AGMO: variants seen among roughly 807,000 people sequenced by gnomAD.
AGMO encodes the protein glyceryl-ether monooxygenase.
In AGMO, 75 loss-of-function variants were observed where a neutral mutation model predicts 60.2. That is an observed-to-expected ratio of 1.25 (90% CI 1.03 to 1.51). AGMO has a LOEUF of 1.51. Ranked by LOEUF, AGMO falls within the 40% of genes most tolerant of loss-of-function variation. The pLI, the probability that AGMO is intolerant of heterozygous loss-of-function variation, is 0.00. For synonymous variants in AGMO, 261 were observed against 177.1 expected (o/e 1.47, Z -3.76); for missense variants, 763 against 525.5 (o/e 1.45, Z -4.42).
chr7:15,278,592 G>A (rs1222178992), intron 12 of AGMO, among the ~76,000 whole-genome samples: 1 of 152,126 alleles, frequency 6.6e-6, no homozygotes, highest in African/African-American at 2.4e-5. Flanking sequence ...GCGTTTCACT[G>A]GAAAAGGCAA....
intron 2 of AGMO, among the ~76,000 whole-genome samples, chr7:15,551,027 A>C (rs1399864074): frequency 6.7e-6 from 1 of 148,768 alleles, no homozygotes; most frequent in Non-Finnish European, 1.5e-5. Context: ...GCAAATCAAT[A>C]AATGTAATCC....
At chr7:15,467,835 G>A (rs1440074509) in intron 3 of AGMO, among the ~76,000 whole-genome samples, 1 of 152,030 alleles carries the variant, frequency 6.6e-6, no homozygotes, top group African/African-American at 2.4e-5. Context: ...AAACCCTTTA[G>A]AAGAGTGACT....
intron 3 of AGMO, among the ~76,000 whole-genome samples, chr7:15,507,170 CA>C (rs1479622100): frequency 6.6e-6 from 1 of 151,854 alleles, no homozygotes; most frequent in East Asian, 1.9e-4. Context: ...AAGTCAAGGA[CA>C]AAGTGCTATC....
At chr7:15,470,153 A>C (rs2128512144) in intron 3 of AGMO, among the ~76,000 whole-genome samples, 1 of 152,194 alleles carries the variant, frequency 6.6e-6, no homozygotes, top group Non-Finnish European at 1.5e-5. Context: ...ATATTCAAGA[A>C]AGATAGCATA....
intron 12 of AGMO, among the ~76,000 whole-genome samples, chr7:15,273,388 C>A (rs1178960562): frequency 6.6e-6 from 1 of 152,086 alleles, no homozygotes; most frequent in East Asian, 1.9e-4. Flanking sequence ...ATAGAGAATC[C>A]TTTCCTCATT....
intron 3 of AGMO, among the ~76,000 whole-genome samples, chr7:15,465,806 C>T (rs114767438): frequency 1.3e-5 from 2 of 151,852 alleles, no homozygotes; most frequent in South Asian, 2.1e-4. Context: ...TACTTGATAA[C>T]CTGTTCCTAC....
chr7:15,407,001 G>A (rs963826235), intron 5 of AGMO, among the ~76,000 whole-genome samples: 24 of 136,760 alleles, frequency 1.8e-4, no homozygotes, highest in African/African-American at 5.7e-4. Context: ...TATATATATG[G>A]AATATACATA....
chr7:15,393,500 A>AT (rs1376841403), intron 6 of AGMO, among the ~76,000 whole-genome samples: 2 of 152,130 alleles, frequency 1.3e-5, no homozygotes, highest in Non-Finnish European at 2.9e-5. Flanking sequence ...AATTATTTCT[A>AT]TTTTTTCTAT....
At chr7:15,199,625 G>C (rs1442383751), downstream of AGMO, among the ~76,000 whole-genome samples, 1 of 152,072 alleles carries the variant, frequency 6.6e-6, no homozygotes, top group East Asian at 1.9e-4. Flanking sequence ...TCAGGGTCTT[G>C]AGAATGTTTA....
intron 3 of AGMO, among the ~76,000 whole-genome samples, chr7:15,493,377 T>C (rs1191825387): frequency 2.4e-5 from 3 of 123,284 alleles, no homozygotes; most frequent in African/African-American, 6.6e-5. Flanking sequence ...TTTTTTTTTT[T>C]TTTTTTTTTT....
At chr7:15,531,622 A>ATATATATATTC (rs1197472826) in intron 3 of AGMO, among the ~76,000 whole-genome samples, 19 of 126,194 alleles carry the variant, frequency 1.5e-4, no homozygotes, top group East Asian at 2.2e-4. Flanking sequence ...TGTATATTCT[A>ATATATATATTC]TATATATATT....
intron 12 of AGMO, among the ~76,000 whole-genome samples, chr7:15,344,189 G>A (rs73298326): frequency 0.018 from 2,697 of 152,182 alleles, 67 homozygotes; most frequent in African/African-American, 0.06. Flanking sequence ...ATGGCACATA[G>A]AAGGCACTCA....
At chr7:15,547,559 C>T (rs1161793479) in intron 2 of AGMO, among the ~76,000 whole-genome samples, 8 of 152,036 alleles carry the variant, frequency 5.3e-5, no homozygotes, top group Non-Finnish European at 8.8e-5. Context: ...GGGTGACAGA[C>T]GCACCTGGAA....
intron 3 of AGMO, among the ~76,000 whole-genome samples, chr7:15,496,157 G>C (rs749923411): frequency 6.6e-6 from 1 of 152,098 alleles, no homozygotes. Context: ...ATGGAGATGA[G>C]TGGAAAGGCC....
At chr7:15,542,254 C>T (rs1356802106) in intron 3 of AGMO, among the ~76,000 whole-genome samples, 5 of 152,074 alleles carry the variant, frequency 3.3e-5, no homozygotes, top group Admixed American at 1.3e-4. Flanking sequence ...TTTGAACTTA[C>T]GGTTTGGCTC....
intron 3 of AGMO, among the ~76,000 whole-genome samples, chr7:15,496,042 C>T (rs928773740): frequency 6.6e-6 from 1 of 152,128 alleles, no homozygotes; most frequent in Non-Finnish European, 1.5e-5. Context: ...CACAAATACT[C>T]AGTCCATAAC....
chr7:15,408,203 A>C (rs1436152514), intron 5 of AGMO, among the ~76,000 whole-genome samples: 1 of 151,876 alleles, frequency 6.6e-6, no homozygotes, highest in African/African-American at 2.4e-5. Context: ...TGGGAGTTGT[A>C]AACAAGCGTC....
intron 6 of AGMO, among the ~76,000 whole-genome samples, chr7:15,392,782 G>T (rs1386493202): frequency 6.7e-5 from 10 of 149,674 alleles, no homozygotes; most frequent in Admixed American, 4.0e-4. Flanking sequence ...CTGGGCGACA[G>T]AATGAGACTC....
At chr7:15,437,128 G>A (rs1002196013) in intron 3 of AGMO, among the ~76,000 whole-genome samples, 4 of 151,996 alleles carry the variant, frequency 2.6e-5, no homozygotes, top group African/African-American at 9.7e-5. Context: ...CCAAACTAAA[G>A]TCTAACTAAA....
Sources: allele counts gnomAD v4.1 joint callset (sites outside exome capture counted in the v4.1 genomes callset), GRCh38; gene constraint gnomAD v4.1.1; transcripts MANE v1.5; gene names NCBI Gene and HGNC (gene_info 2026-07-23, HGNC 2026-07-21).